COX14: variants seen among roughly 807,000 people sequenced by gnomAD.
COX14 encodes cytochrome c oxidase assembly factor COX14.
Under a neutral mutation model 5.8 loss-of-function variants are expected in COX14, and 3 were observed. The observed-to-expected ratio is 0.51, with a 90% CI of 0.23 to 1.33. The LOEUF (loss-of-function observed/expected upper bound fraction) is 1.33, where lower values mean the gene tolerates loss of function less well. Ranked by LOEUF, COX14 falls within the 40% of genes most tolerant of loss-of-function variation. The pLI, the probability that COX14 is intolerant of heterozygous loss-of-function variation, is 0.18. For synonymous variants in COX14, 25 were observed against 26.1 expected (o/e 0.96, Z 0.13); for missense variants, 72 against 72.1 (o/e 1.00, Z 0.01).
Position 50,120,421 on chromosome 12 carries a change from TACACCTACAG to T in COX14, c.*208_*217del. 1 of 553,352 alleles carries T rather than the reference TACACCTACAG, an allele frequency of 1.8e-6. No homozygotes were observed. Among genetic ancestry groups the T allele is most frequent in the East Asian group, 3.1e-5 (1 of 32,238 alleles). The allele number at this position is 553,352 out of a possible 1,614,324, so 34.3% of individuals were successfully genotyped here. ...TCGTAATAGCAATGTGAGGGTGAGG[TACACCTACAG>T]ACATTAAATAATTTGCTGTGTCTGT... On this transcript the variant is annotated 3_prime_UTR_variant, in exon 2 of 2. Coordinates refer to ENST00000550487, the MANE Select transcript of COX14 (RefSeq NM_032901.4).
intron 1 of COX14, chr12:50,118,510 G>T (rs12229758): frequency 1.6e-5 from 13 of 812,062 alleles, no homozygotes; most frequent in Non-Finnish European, 1.9e-5. Context: ...GGCTCACGCC[G>T]TAATCCCAGC....
chr12:50,114,770 ATTTTTTTTTTTTTTTT>A (rs71083507), intron 1 of COX14, among the ~76,000 whole-genome samples: 2 of 70,596 alleles, frequency 2.8e-5, no homozygotes, highest in South Asian at 8.2e-4. Flanking sequence ...GAGTATCTTA[ATTTTTTTTTTTTTTTT>A]TTTTTTTTTT....
chr12:50,119,215 A>C (rs760766101), intron 1 of COX14, among the ~76,000 whole-genome samples: 13 of 152,232 alleles, frequency 8.5e-5, no homozygotes, highest in Non-Finnish European at 1.6e-4. Flanking sequence ...TTTAGTGTTG[A>C]CTTGGAAACC....
At chr12:50,118,545 A>T in intron 1 of COX14, 2 of 395,454 alleles carry the variant, frequency 5.1e-6, no homozygotes, top group Non-Finnish European at 6.9e-6. Flanking sequence ...AGGCGAGTGG[A>T]TCACAAGGTG....
intron 1 of COX14, among the ~76,000 whole-genome samples, chr12:50,116,839 C>T (rs1236421606): frequency 1.3e-5 from 2 of 152,156 alleles, no homozygotes; most frequent in South Asian, 2.1e-4. Context: ...ATATCACTTT[C>T]CATAGTGGGA....
chr12:50,117,579 CTCT>C (rs1410063688), intron 1 of COX14, among the ~76,000 whole-genome samples: 12 of 130,744 alleles, frequency 9.2e-5, no homozygotes, highest in African/African-American at 3.3e-4. Flanking sequence ...CTTTTTCTGT[CTCT>C]TTTTTTTTTT....
intron 1 of COX14, among the ~76,000 whole-genome samples, chr12:50,118,228 G>A (rs900365901): frequency 5.9e-5 from 9 of 151,710 alleles, no homozygotes; most frequent in African/African-American, 2.2e-4. Context: ...TGTATTTTTA[G>A]TAGAGACAGG....
At chr12:50,118,096 G>A (rs1340839664) in intron 1 of COX14, among the ~76,000 whole-genome samples, 8 of 147,376 alleles carry the variant, frequency 5.4e-5, no homozygotes, top group Admixed American at 3.4e-4. Flanking sequence ...ATCCAGGCTG[G>A]AATGCACTGG....
intron 1 of COX14, among the ~76,000 whole-genome samples, chr12:50,114,770 ATTTTTTTTTTTTTTTTTTTT>A (rs71083507): frequency 2.8e-5 from 2 of 70,596 alleles, no homozygotes; most frequent in South Asian, 8.2e-4. Context: ...GAGTATCTTA[ATTTTTTTTTTTTTTTTTTTT>A]TTTTTTTTTT....
intron 1 of COX14, 127 bp from the exon 2 acceptor site, chr12:50,119,909 G>A (rs1951115101): frequency 4.2e-6 from 3 of 714,268 alleles, no homozygotes; most frequent in Non-Finnish European, 5.0e-6. Context: ...CTAGACATAG[G>A]GGCCATTCAG....
chr12:50,117,383 G>A lies in COX14; in HGVS notation c.-8-2653G>A, dbSNP rs193003931. Among the ~76,000 whole-genome samples the A allele has an allele frequency of 4.1e-3, 627 of 152,090 alleles. 4 individuals carry two copies. The highest frequency in any genetic ancestry group is 4.5e-3 in the Non-Finnish European group (306 of 67,966). On this transcript the variant is annotated intron_variant, in intron 1 of 1. Coordinates refer to ENST00000550487, the MANE Select transcript of COX14 (RefSeq NM_032901.4). ...TGTGTGCGTGGCCATGGTAAGGGGC[G>A]GGATTTTAAGTGTCTCTGCCTACAG...
chr12:50,114,167 A>G (rs978919793), intron 1 of COX14, among the ~76,000 whole-genome samples: 1 of 143,848 alleles, frequency 7.0e-6, no homozygotes, highest in Non-Finnish European at 1.5e-5. Flanking sequence ...CATCAGTGGC[A>G]GTGACTTGAT....
chr12:50,116,343 T>C (rs1244730188), intron 1 of COX14, among the ~76,000 whole-genome samples: 1 of 152,224 alleles, frequency 6.6e-6, no homozygotes, highest in Non-Finnish European at 1.5e-5. Context: ...TCTGCCCGAC[T>C]CAGCCTCCCA....
At chr12:50,114,384 G>C (rs984321882) in intron 1 of COX14, among the ~76,000 whole-genome samples, 1 of 151,626 alleles carries the variant, frequency 6.6e-6, no homozygotes, top group Non-Finnish European at 1.5e-5. Context: ...TGAGTAGCTG[G>C]GATTACAGGC....
At chr12:50,112,600 C>G in intron 1 of COX14, 1 of 430,216 alleles carries the variant, frequency 2.3e-6, no homozygotes, top group Non-Finnish European at 3.1e-6. Flanking sequence ...GCTCTATAGA[C>G]CTCTGCGTCC....
intron 1 of COX14, among the ~76,000 whole-genome samples, chr12:50,118,174 G>A (rs1388457779): frequency 6.6e-6 from 1 of 151,316 alleles, no homozygotes; most frequent in Non-Finnish European, 1.5e-5. Flanking sequence ...AGCCTCTCGA[G>A]TAGCTGGGAT....
chr12:50,118,798 TTTTTA>T (rs1176873735), intron 1 of COX14, among the ~76,000 whole-genome samples: 2 of 152,144 alleles, frequency 1.3e-5, no homozygotes, highest in Admixed American at 1.3e-4. Flanking sequence ...ATATATGTAT[TTTTTA>T]TTTTATTTTA....
chr12:50,115,604 G>C (rs922541028), intron 1 of COX14, among the ~76,000 whole-genome samples: 1 of 150,368 alleles, frequency 6.7e-6, no homozygotes, highest in Non-Finnish European at 1.5e-5. Context: ...CCAGGCTGCA[G>C]TGTAATGGCA....
chr12:50,118,889 C>A (rs748904961), intron 1 of COX14, among the ~76,000 whole-genome samples: 1 of 152,188 alleles, frequency 6.6e-6, no homozygotes, highest in Non-Finnish European at 1.5e-5. Flanking sequence ...GTTCCCTCAA[C>A]AGAGTAGCAC....
Sources: gnomAD v4.1 joint callset for allele counts (sites outside exome capture counted in the v4.1 genomes callset) on GRCh38, gnomAD v4.1.1 for gene constraint, MANE v1.5 for transcripts, NCBI Gene and HGNC (gene_info 2026-07-23, HGNC 2026-07-21) for gene names.